SHROOM3: variants seen among roughly 807,000 people sequenced by gnomAD.
SHROOM3 encodes shroom family member 3.
Under a neutral mutation model 138.6 loss-of-function variants are expected in SHROOM3, and 47 were observed. The ratio of observed to expected loss-of-function variants is 0.34; its 90% CI spans 0.27 to 0.43. The LOEUF (loss-of-function observed/expected upper bound fraction) is 0.43. Among genes scored for constraint, SHROOM3 ranks in the 20% least tolerant of loss-of-function variants. The pLI is 1.00. For missense variants in SHROOM3, 2,491 were observed against 2,596.5 expected, an observed-to-expected ratio of 0.96 and a Z score of 0.88; for synonymous variants, 1,062 against 1,063.3, an observed-to-expected ratio of 1.00 and a Z score of 0.02.
At chr4:76,678,045 T>G (rs1039213773) in intron 2 of SHROOM3, among the ~76,000 whole-genome samples, 1 of 152,186 alleles carries the variant, frequency 6.6e-6, no homozygotes, top group Non-Finnish European at 1.5e-5. Flanking sequence ...AGAAGCACAT[T>G]GTCTGTAGGT....
intron 1 of SHROOM3, chr4:76,509,422 G>T (rs964774918): frequency 4.6e-5 from 7 of 152,204 alleles, no homozygotes; most frequent in Non-Finnish European, 5.9e-5. Context: ...GAGGATGAAA[G>T]AGCAGGACAA....
intron 2 of SHROOM3, among the ~76,000 whole-genome samples, chr4:76,640,650 T>C (rs1435358330): frequency 2.0e-5 from 3 of 152,222 alleles, no homozygotes; most frequent in African/African-American, 7.2e-5. Context: ...AGCTATGAGC[T>C]CACCAGCCCT....
chr4:76,656,159 T>C (rs1736062352), intron 2 of SHROOM3, among the ~76,000 whole-genome samples: 1 of 152,178 alleles, frequency 6.6e-6, no homozygotes, highest in Non-Finnish European at 1.5e-5. Context: ...CATTTCCAAC[T>C]ATAAGGAAAC....
chr4:76,584,194 T>C (rs11726056), intron 2 of SHROOM3, among the ~76,000 whole-genome samples: 78,774 of 152,000 alleles, frequency 0.52, 22,728 homozygotes, highest in Non-Finnish European at 0.65. Context: ...GGCACATGCC[T>C]GTAATCCCAG....
At chr4:76,436,667 T>C (rs1174307185) in intron 1 of SHROOM3, among the ~76,000 whole-genome samples, 1 of 152,220 alleles carries the variant, frequency 6.6e-6, no homozygotes, top group Non-Finnish European at 1.5e-5. Flanking sequence ...AAATACCATG[T>C]GTTGCTTTTT....
intron 1 of SHROOM3, among the ~76,000 whole-genome samples, chr4:76,494,746 C>T (rs1731929423): frequency 6.6e-6 from 1 of 152,150 alleles, no homozygotes; most frequent in South Asian, 2.1e-4. Context: ...AGGGACCTTT[C>T]GTGGTACCCT....
intron 2 of SHROOM3, among the ~76,000 whole-genome samples, chr4:76,575,249 C>T (rs969504992): frequency 1.3e-5 from 2 of 152,096 alleles, no homozygotes; most frequent in Non-Finnish European, 2.9e-5. Flanking sequence ...ACTAGTATCA[C>T]ACTGAATGGG....
At chr4:76,773,177 C>A (rs918301105) in intron 10 of SHROOM3, among the ~76,000 whole-genome samples, 1 of 152,124 alleles carries the variant, frequency 6.6e-6, no homozygotes, top group East Asian at 1.9e-4. Context: ...GAGTTCAAGA[C>A]CAGCCTGGCC....
At chr4:76,605,204 C>T (rs191262307) in intron 2 of SHROOM3, among the ~76,000 whole-genome samples, 18 of 152,168 alleles carry the variant, frequency 1.2e-4, no homozygotes, top group Admixed American at 8.5e-4. Context: ...TCAATGTTGT[C>T]GGTGCAGCAG....
intron 2 of SHROOM3, among the ~76,000 whole-genome samples, chr4:76,689,349 GGCGA>G (rs1273154608): frequency 1.3e-5 from 2 of 151,878 alleles, no homozygotes; most frequent in East Asian, 3.9e-4. Context: ...ATTACCTGGT[GGCGA>G]GCGAGCGCCG....
intron 10 of SHROOM3, among the ~76,000 whole-genome samples, chr4:76,773,869 A>G (rs1271251145): frequency 6.6e-6 from 1 of 152,180 alleles, no homozygotes; most frequent in East Asian, 1.9e-4. Flanking sequence ...CAGCACAGAA[A>G]ATCATCACAA....
Position 76,633,394 on chromosome 4 carries a change from C to G in SHROOM3, c.324-76762C>G, listed in dbSNP as rs1474008761. ...AAAGAAATCTTGTTAACTGGCCGGG[C>G]GTGGTGGCTCACGCCTGTAATCCCA... On this transcript the variant is annotated intron_variant, in intron 2 of 10. Coordinates refer to ENST00000296043, the MANE Select transcript of SHROOM3 (RefSeq NM_020859.4). 2.0e-5 allele frequency among the ~76,000 whole-genome samples: 3 copies of G among 148,846 alleles called. No individual in the cohort carries two copies. The South Asian group carries it at 6.4e-4, about 32-fold the overall frequency.
At chr4:76,746,978 C>T (rs6532595) in intron 5 of SHROOM3, among the ~76,000 whole-genome samples, 2 of 151,552 alleles carry the variant, frequency 1.3e-5, no homozygotes, top group Non-Finnish European at 2.9e-5. Context: ...CACCAGGCCC[C>T]GGTAATTTTT....
Position 76,553,894 on chromosome 4 carries a change from T to C in SHROOM3, c.169-1715T>C, listed in dbSNP as rs189087294. Among the ~76,000 whole-genome samples the C allele has an allele frequency of 5.3e-3, 804 of 152,356 alleles. 2 individuals carry two copies. Among genetic ancestry groups the C allele is most frequent in the Admixed American group, 0.011 (170 of 15,298 alleles). On this transcript the variant is annotated intron_variant, in intron 1 of 10. Coordinates refer to ENST00000296043, the MANE Select transcript of SHROOM3 (RefSeq NM_020859.4). ...TGTATCTGCTGCCCACACATACACA[T>C]AGCCTCCCCCACTATCAAAATCCTG... is the stretch of plus-strand genomic sequence containing the variant.
chr4:76,547,107 G>T (rs1036502790), intron 1 of SHROOM3, among the ~76,000 whole-genome samples: 1 of 152,172 alleles, frequency 6.6e-6, no homozygotes, highest in Non-Finnish European at 1.5e-5. Context: ...ACTATAATAG[G>T]TTCAGAGATT....
intron 1 of SHROOM3, among the ~76,000 whole-genome samples, chr4:76,523,383 G>A (rs1031381611): frequency 6.6e-6 from 1 of 152,190 alleles, no homozygotes; most frequent in East Asian, 1.9e-4. Context: ...TGAATTTGGG[G>A]GACACTGTTC....
Position 76,595,722 on chromosome 4 carries a change from A to C in SHROOM3, c.323+39959A>C, listed in dbSNP as rs1245463684. 2.6e-5 allele frequency among the ~76,000 whole-genome samples: 4 copies of C among 152,302 alleles called. No homozygotes were observed. In the South Asian group the frequency reaches 8.3e-4, roughly 32 times the overall value. On this transcript the variant is annotated intron_variant, in intron 2 of 10. Transcript: ENST00000296043. ...GCATGGTTAATCCCTTAGGGTGATGAAGGAGCTGCCTTTCTGAGCACATCA... is the reference window on the plus strand; with the variant it reads ...GCATGGTTAATCCCTTAGGGTGATGCAGGAGCTGCCTTTCTGAGCACATCA...
At chr4:76,633,707 C>CTTGAG (rs1267376320) in intron 2 of SHROOM3, among the ~76,000 whole-genome samples, 2 of 149,318 alleles carry the variant, frequency 1.3e-5, no homozygotes, top group East Asian at 4.0e-4. Context: ...ACACCTTGTA[C>CTTGAG]TTGAGTTGGG....
intron 1 of SHROOM3, among the ~76,000 whole-genome samples, chr4:76,466,615 C>T (rs1189398430): frequency 6.6e-6 from 1 of 152,144 alleles, no homozygotes; most frequent in Non-Finnish European, 1.5e-5. Context: ...ATTCTTTAGC[C>T]TTTTGTTCAA....
Sources: gnomAD v4.1 joint callset for allele counts (sites outside exome capture counted in the v4.1 genomes callset) on GRCh38, gnomAD v4.1.1 for gene constraint, MANE v1.5 for transcripts, NCBI Gene and HGNC (gene_info 2026-07-23, HGNC 2026-07-21) for gene names.